Variants in NCAM1 observed in about 807,000 individuals in gnomAD.
NCAM1 encodes antigen recognized by monoclonal antibody 5.1H11.
In NCAM1, 14 loss-of-function variants were observed where a neutral mutation model predicts 109.8. That is an observed-to-expected ratio of 0.13 (90% confidence interval 0.08 to 0.20). The LOEUF is 0.20. Among genes scored for constraint, NCAM1 ranks in the 10% least tolerant of loss-of-function variants. The pLI, the probability that NCAM1 is intolerant of heterozygous loss-of-function variation, is 1.00. For missense variants in NCAM1, 774 were observed against 1,109.9 expected (o/e 0.70, Z 4.30); for synonymous variants, 418 against 442.9 (o/e 0.94, Z 0.70).
At chr11:113,237,929 G>GATAT (rs1224815154) in intron 14 of NCAM1, among the ~76,000 whole-genome samples, 2 of 18,418 alleles carry the variant, frequency 1.1e-4, no homozygotes, top group Non-Finnish European at 3.3e-4. Context: ...TATAGATATA[G>GATAT]ATATATAGAT....
At position 113,231,585 on chromosome 11, in the gene NCAM1, C is replaced by T. The variant is rs532573530; in HGVS notation, c.1090-60C>T. The T allele has an allele frequency of 7.3e-5, 113 of 1,548,510 alleles. No homozygotes were observed. In the South Asian group the frequency reaches 1.2e-3, roughly 17 times the overall value. ...TCCCAGCCCCCATCCTGCCATAGCA[C>T]TGTTGCCCTTCACCCTGCCTTGGGC... is the stretch of plus-strand genomic sequence containing the variant. On this transcript the variant is annotated intron_variant, in intron 9 of 19. Transcript: ENST00000316851.
At chr11:113,266,106 C>T (rs1299664592) in intron 17 of NCAM1, among the ~76,000 whole-genome samples, 1 of 152,190 alleles carries the variant, frequency 6.6e-6, no homozygotes, top group Non-Finnish European at 1.5e-5. Flanking sequence ...GAGGGAAGAC[C>T]ATAGCAAAGA....
intron 9 of NCAM1, 95 bp downstream of exon 9, chr11:113,221,420 T>G: frequency 1.5e-6 from 2 of 1,299,610 alleles, no homozygotes; most frequent in Non-Finnish European, 2.2e-6. Context: ...GCTAAACTAA[T>G]TAGTAATTTA....
At chr11:113,076,489 T>A (rs1349025871) in intron 1 of NCAM1, among the ~76,000 whole-genome samples, 1 of 152,218 alleles carries the variant, frequency 6.6e-6, no homozygotes, top group Admixed American at 6.5e-5. Flanking sequence ...ATATCCTCAT[T>A]TCTGCACAGA....
rs201635814 is a variant in NCAM1 at position 113,256,000 on chromosome 11, C to G, written c.1952C>G (p.Ala651Gly). ...PIRHYLVRYR[A>G]LSSEWKPEIR... ...AGACACTATCTGGTCAGGTACCGAG[C>G]GGTGAGTGGCCTCCTTCTCAGACTT... is the stretch of plus-strand genomic sequence containing the variant. The change falls in exon 16 of 20, where the codon GCG becomes GGG. Residue 651 changes from alanine to glycine, a missense_variant and splice_region_variant. Around this residue, in one of 4 missense-constraint regions of NCAM1, gnomAD observed 523 missense variants for 784.2 expected, o/e 0.67. Transcript: ENST00000316851. The G allele has an allele frequency of 6.3e-7, 1 of 1,596,624 alleles. No homozygotes were observed. Among genetic ancestry groups the G allele is most frequent in the Non-Finnish European group, 8.5e-7 (1 of 1,171,652 alleles).
In NCAM1 at chr11:113,010,510, T is replaced by G. The variant is rs147357643; in HGVS notation, c.52+48846T>G. ...CCTCACCTGTTATTTATGAGTCATA[T>G]TCTATTCTCCAGAGTGCCTTCAGCT... On this transcript the variant is annotated intron_variant, in intron 1 of 19. Transcript: ENST00000316851. 3.7e-3 allele frequency among the ~76,000 whole-genome samples: 566 copies of G among 152,304 alleles called. 5 individuals carry two copies. The highest frequency in any genetic ancestry group is 0.013 in the African/African-American group (548 of 41,578).
chr11:112,998,571 C>T (rs1951660684), intron 1 of NCAM1, among the ~76,000 whole-genome samples: 1 of 152,086 alleles, frequency 6.6e-6, no homozygotes, highest in South Asian at 2.1e-4. Context: ...CCTCACCTAG[C>T]CCCAGGTTAT....
intron 10 of NCAM1, 106 bp downstream of exon 10, chr11:113,231,901 T>C: frequency 1.4e-6 from 2 of 1,430,358 alleles, no homozygotes; most frequent in Non-Finnish European, 1.9e-6. Context: ...TGTGTTCTGC[T>C]TACGTTCCCT....
chr11:113,205,936 C>T (rs879991383), intron 4 of NCAM1, 107 bp from the exon 5 acceptor site: 7 of 1,396,576 alleles, frequency 5.0e-6, no homozygotes, highest in Non-Finnish European at 7.0e-6. Context: ...GGGCTTAAAA[C>T]CCCACCCTAT....
intron 9 of NCAM1, among the ~76,000 whole-genome samples, chr11:113,230,682 C>T (rs1308532652): frequency 6.6e-6 from 1 of 152,202 alleles, no homozygotes; most frequent in Non-Finnish European, 1.5e-5. Context: ...TCCTGTCCAT[C>T]CCTACAGAAC....
intron 1 of NCAM1, among the ~76,000 whole-genome samples, chr11:113,164,867 C>T (rs1308387169): frequency 6.6e-6 from 1 of 152,108 alleles, no homozygotes; most frequent in Non-Finnish European, 1.5e-5. Context: ...TAGAGCAGGG[C>T]TGAATGCTCC....
chr11:112,974,079 T>C (rs1416883871), intron 1 of NCAM1, among the ~76,000 whole-genome samples: 5 of 152,108 alleles, frequency 3.3e-5, no homozygotes, highest in African/African-American at 1.2e-4. Flanking sequence ...CTAAAGATCA[T>C]ATTGGTGACA....
At chr11:113,187,981 A>C (rs782615714) in intron 1 of NCAM1, among the ~76,000 whole-genome samples, 3 of 152,236 alleles carry the variant, frequency 2.0e-5, no homozygotes, top group Non-Finnish European at 2.9e-5. Context: ...GTTATAAAAT[A>C]AGGTACATTG....
At chr11:113,025,186 TC>T (rs1478916429) in intron 1 of NCAM1, among the ~76,000 whole-genome samples, 4 of 152,222 alleles carry the variant, frequency 2.6e-5, no homozygotes, top group Non-Finnish European at 2.9e-5. Context: ...TCATTTTTTT[TC>T]ATCAGGATTT....
intron 1 of NCAM1, among the ~76,000 whole-genome samples, chr11:112,985,271 G>A (rs1555069422): frequency 7.0e-6 from 1 of 143,594 alleles, no homozygotes; most frequent in Non-Finnish European, 1.5e-5. Flanking sequence ...TTTTTTGCCA[G>A]TACCATACTG....
chr11:113,003,606 G>T (rs1196237171), intron 1 of NCAM1, among the ~76,000 whole-genome samples: 1 of 152,170 alleles, frequency 6.6e-6, no homozygotes, highest in Non-Finnish European at 1.5e-5. Context: ...GGAAAAATAT[G>T]TATTAAACCC....
At chr11:113,195,047 C>T (rs2136779552) in intron 1 of NCAM1, among the ~76,000 whole-genome samples, 1 of 152,304 alleles carries the variant, frequency 6.6e-6, no homozygotes, top group Admixed American at 6.5e-5. Flanking sequence ...GAGGATACTT[C>T]CAGTGGCAAT....
chr11:113,159,846 T>TCCCTCCC (rs1442195329), intron 1 of NCAM1, among the ~76,000 whole-genome samples: 2 of 122,124 alleles, frequency 1.6e-5, no homozygotes, highest in Non-Finnish European at 3.4e-5. Context: ...CCTAATGCTA[T>TCCCTCCC]CCCTCCCCCC....
rs1565545086 is a variant in NCAM1, at chr11:113,275,588, T to C, written c.*201T>C. 1 of 645,002 alleles carries C rather than the reference T, an allele frequency of 1.6e-6. No homozygotes were observed. 40.0% of individuals were successfully genotyped at this position (645,002 alleles called of 1,614,324 possible). On this transcript the variant is annotated 3_prime_UTR_variant, in exon 20 of 20. Transcript: ENST00000316851. Reference sequence around the variant, plus strand: ...TGGGAATCTCCTTTTTGTAGGTTTATAGAAAGGGTCCCTTTGTTGCACACT... The same window carrying C: ...TGGGAATCTCCTTTTTGTAGGTTTACAGAAAGGGTCCCTTTGTTGCACACT...
Sources: gnomAD v4.1 joint callset for allele counts (sites outside exome capture counted in the v4.1 genomes callset) on GRCh38, gnomAD v4.1.1 for gene constraint, gnomAD v4.1.1 regional missense constraint, MANE v1.5 for transcripts, NCBI Gene and HGNC (gene_info 2026-07-23, HGNC 2026-07-21) for gene names.